Variants in CKM observed in about 807,000 individuals in gnomAD.
CKM encodes creatine kinase, M-type.
CKM carries 28 observed loss-of-function variants against 35.4 expected under a neutral mutation model. The observed-to-expected ratio is 0.79, with a 90% CI of 0.59 to 1.08. The LOEUF (loss-of-function observed/expected upper bound fraction) is 1.08, where lower values mean the gene tolerates loss of function less well. Ranked by LOEUF, CKM falls within the 50% of genes least tolerant of loss-of-function variation. The pLI, the probability that CKM is intolerant of heterozygous loss-of-function variation, is 0.00. For synonymous variants in CKM, 215 were observed against 204.4 expected, an observed-to-expected ratio of 1.05 and a Z score of -0.44; for missense variants, 484 against 509.8, an observed-to-expected ratio of 0.95 and a Z score of 0.49.
chr19:45,313,458 C>T (rs1378210044), intron 4 of CKM, among the ~76,000 whole-genome samples: 1 of 152,170 alleles, frequency 6.6e-6, no homozygotes, highest in African/African-American at 2.4e-5. Flanking sequence ...CCCTGAGACA[C>T]ATGATTTTGA....
chr19:45,315,349 C>G, intron 4 of CKM, 116 bp downstream of exon 4: 1 of 1,199,474 alleles, frequency 8.3e-7, no homozygotes, highest in Non-Finnish European at 1.2e-6. Context: ...CCACGATTTA[C>G]CAAGCTCTTC....
intron 3 of CKM, 146 bp from the exon 4 acceptor site, chr19:45,315,743 C>A: frequency 9.6e-7 from 1 of 1,042,218 alleles, no homozygotes; most frequent in South Asian, 1.4e-5. Flanking sequence ...AGCCTCTCCC[C>A]GCCACCCATA....
At chr19:45,311,958 C>T (rs1971114828) in intron 4 of CKM, 38 bp from the exon 5 acceptor site, 12 of 1,610,512 alleles carry the variant, frequency 7.5e-6, no homozygotes, top group Admixed American at 1.7e-5. Context: ...GCAGCCTGTC[C>T]CACCTCAACC....
In CKM at chr19:45,319,579, C is replaced by T. The variant is rs1971192734; in HGVS notation, c.135G>A (p.Lys45=). 3 of 1,614,002 alleles carry T rather than the reference C, an allele frequency of 1.9e-6. No individual in the cohort carries two copies. The highest frequency in any genetic ancestry group is 2.5e-6 in the Non-Finnish European group (3 of 1,180,018). The change falls in exon 2 of 8, where the codon AAG becomes AAA. Residue 45 remains lysine, a synonymous_variant. Coordinates refer to ENST00000221476, the MANE Select transcript of CKM (RefSeq NM_001824.5). The part of the protein sequence containing the change: ...TLELYKKLRD[K]ETPSGFTVDD... Reference sequence around the variant, plus strand: ...CTACAGTGAAGCCAGATGGAGTCTCCTTGTCCCGCAGCTTCTTGTAGAGTT... The same window carrying T: ...CTACAGTGAAGCCAGATGGAGTCTCTTTGTCCCGCAGCTTCTTGTAGAGTT...
intron 3 of CKM, among the ~76,000 whole-genome samples, chr19:45,317,506 C>G (rs1011228003): frequency 6.6e-6 from 1 of 151,964 alleles, no homozygotes; most frequent in Non-Finnish European, 1.5e-5. Flanking sequence ...AGGCTGGTCT[C>G]AAACTCTCAA....
intron 4 of CKM, 26 bp from the exon 5 acceptor site, chr19:45,311,946 C>G: frequency 1.9e-6 from 3 of 1,612,622 alleles, no homozygotes; most frequent in Non-Finnish European, 2.5e-6. Context: ...AGGGAGTGGT[C>G]AGCAGCCTGT....
Position 45,317,903 on chromosome 19 carries a change from G to T in CKM, c.270C>A (p.Asp90Glu). The T allele has an allele frequency of 6.2e-7, 1 of 1,613,982 alleles. No individual in the cohort carries two copies. The highest frequency in any genetic ancestry group is 8.5e-7 in the Non-Finnish European group (1 of 1,179,952). Residue 90 changes from aspartate (D) to glutamate (E), a missense_variant, in exon 3 of 8, where the codon GAC becomes GAA. Transcript: ENST00000221476. ...ESYEVFKELF[D>E]PIISDRHGGY... is the part of the protein sequence containing the mutation. ...CCCCGTGGCGATCCGAGATGATGGG[G>T]TCAAAGAGTTCCTTGAAAACTTCGT...
intron 4 of CKM, among the ~76,000 whole-genome samples, chr19:45,313,554 A>T (rs548031623): frequency 1.4e-4 from 21 of 152,272 alleles, no homozygotes; most frequent in Middle Eastern, 6.8e-3. Context: ...CTTTAAATAA[A>T]AAGCTTCATA....
At chr19:45,318,141 C>T (rs1015052213) in intron 2 of CKM, among the ~76,000 whole-genome samples, 162 bp from the exon 3 acceptor site, 1 of 152,136 alleles carries the variant, frequency 6.6e-6, no homozygotes, top group East Asian at 1.9e-4. Context: ...GGCACAGTGG[C>T]TCATGCCTGC....
At position 45,315,503 on chromosome 19, in the gene CKM, C is replaced by T. The variant is rs758534544; in HGVS notation, c.443G>A (p.Arg148His). The T allele has an allele frequency of 2.1e-5, 33 of 1,600,136 alleles. 1 individual carries two copies. The South Asian group carries it at 3.0e-4, about 14-fold the overall frequency. The change falls in exon 4 of 8, where the codon CGT (arginine) becomes CAT (histidine). Residue 148 changes from arginine (R) to histidine (H), a missense_variant. Coordinates refer to ENST00000221476, the MANE Select transcript of CKM (RefSeq NM_001824.5). The part of the protein sequence containing the change: ...KGYTLPPHCS[R>H]GERRAVEKLS... ...CTTCTCCACCGCCCGGCGCTCGCCA[C>T]GGGAGCAGTGTGGGGGCAACGTGTA...
At chr19:45,310,937 AT>A (rs71173145) in intron 5 of CKM, among the ~76,000 whole-genome samples, 1,894 of 129,772 alleles carry the variant, frequency 0.015, 52 homozygotes, top group African/African-American at 0.05. Context: ...CGCCGGGCTA[AT>A]TTTTTTTTTT....
chr19:45,311,522 C>T (rs1234140577), intron 5 of CKM, among the ~76,000 whole-genome samples: 3 of 152,090 alleles, frequency 2.0e-5, no homozygotes, highest in African/African-American at 4.8e-5. Flanking sequence ...CACCGTGCCC[C>T]GCCAAGTCTT....
At position 45,307,659 on chromosome 19, in the gene CKM, C is replaced by G. The variant is rs752946274; in HGVS notation, c.778-9G>C. 4.3e-6 allele frequency: 7 copies of G among 1,613,132 alleles called. No individual in the cohort carries two copies. Among genetic ancestry groups the G allele is most frequent in the Non-Finnish European group, 5.9e-6 (7 of 1,179,682 alleles). ...TTAAAGATCTCCTCAATCTGAGGTT[C>G]AGAGAGAGGACCAGGGGTCAGCGCC... On this transcript the variant is annotated splice_polypyrimidine_tract_variant and intron_variant, in intron 6 of 7. Transcript: ENST00000221476.
Position 45,306,869 on chromosome 19 carries a change from C to T in CKM, c.1027G>A (p.Gly343Ser). 6.2e-7 allele frequency: 1 copy of T among 1,614,194 alleles called. No individual in the cohort carries two copies. The highest frequency in any genetic ancestry group is 1.1e-5 in the South Asian group (1 of 91,088). ...VFDVSNADRLGSSEVEQVQLV... is the reference protein window; with the variant it reads ...VFDVSNADRLSSSEVEQVQLV... ...TGCACCTGTTCTACTTCGGACGAGC[C>T]CAGCCGATCAGCGTTGGACACGTCA... Residue 343 changes from glycine to serine, a missense_variant, in exon 8 of 8, where the codon GGC (glycine) becomes AGC (serine). Gly to Ser is a moderately conservative substitution (Grantham distance 56). Transcript: ENST00000221476. The surrounding 1 kb of genome is among the most constrained non-coding windows in gnomAD (Gnocchi z 4.5).
At chr19:45,316,409 C>T (rs1380546937) in intron 3 of CKM, among the ~76,000 whole-genome samples, 1 of 151,180 alleles carries the variant, frequency 6.6e-6, no homozygotes, top group East Asian at 1.9e-4. Flanking sequence ...AACAGTCCTC[C>T]TGCCTCAGCC....
At position 45,307,512 on chromosome 19, in the gene CKM, G is replaced by A. The variant is rs1268576474; in HGVS notation, c.916C>T (p.Pro306Ser). Residue 306 changes from proline to serine, a missense_variant, in exon 7 of 8, where the codon CCC becomes TCC. By Grantham distance (74) the Pro-to-Ser change is moderately conservative (BLOSUM62 -1). Coordinates refer to ENST00000221476, the MANE Select transcript of CKM (RefSeq NM_001824.5). The part of the protein sequence containing the change: ...HVKLAHLSKH[P>S]KFEEILTRLR... ...CGGGTGAGGATCTCCTCGAACTTGG[G>A]GTGCTTGCTCAGGTGCGCCAGCTTC... is the stretch of plus-strand genomic sequence containing the variant. 2 of 1,614,008 alleles carry A rather than the reference G, an allele frequency of 1.2e-6. No individual in the cohort carries two copies. Among genetic ancestry groups the A allele is most frequent in the South Asian group, 2.2e-5 (2 of 91,076 alleles).
In CKM at chr19:45,306,615, C is replaced by CT; in HGVS notation, c.*134dup. The stretch of plus-strand genomic sequence containing the variant: ...TGGAACTCTGGTTGAAACTGGAACT[C>CT]TGAGAAGGGTGGAGAGAGCCCCCAG... On this transcript the variant is annotated 3_prime_UTR_variant, in exon 8 of 8. Transcript: ENST00000221476. This position sits in a 1 kb window ranked among gnomAD's most constrained non-coding sequence, Gnocchi z 4.5. The CT allele has an allele frequency of 1.1e-6, 1 of 878,814 alleles. No homozygotes were observed. The highest frequency in any genetic ancestry group is 1.5e-5 in the South Asian group (1 of 67,746). 54.4% of individuals were successfully genotyped at this position (878,814 alleles called of 1,614,324 possible).
chr19:45,318,094 A>T, intron 2 of CKM, 115 bp from the exon 3 acceptor site: 1 of 787,090 alleles, frequency 1.3e-6, no homozygotes, highest in Non-Finnish European at 2.1e-6. Context: ...GGGTACATTC[A>T]ATACCTCTGG....
At chr19:45,308,329 G>C in intron 6 of CKM, 80 bp downstream of exon 6, 3 of 1,572,798 alleles carry the variant, frequency 1.9e-6, no homozygotes, top group Non-Finnish European at 2.6e-6. Context: ...GCTTAGTATA[G>C]GGGAAGGGGC....
Sources: allele counts gnomAD v4.1 joint callset (sites outside exome capture counted in the v4.1 genomes callset), GRCh38; gene constraint gnomAD v4.1.1; non-coding constraint Gnocchi (gnomAD v3.1); transcripts MANE v1.5; gene names NCBI Gene and HGNC (gene_info 2026-07-23, HGNC 2026-07-21).